FOXP2: variants seen among roughly 807,000 people sequenced by gnomAD.
FOXP2 encodes the protein forkhead box P2, also known as forkhead box protein P2.
Under a neutral mutation model 115.8 loss-of-function variants are expected in FOXP2, and 12 were observed. That is an observed-to-expected ratio of 0.10 (90% confidence interval 0.07 to 0.17). FOXP2 has a LOEUF of 0.17. FOXP2 is among the 10% of genes least tolerant of loss of function. FOXP2 has a pLI of 1.00. For synonymous variants in FOXP2, 328 were observed against 297.7 expected, an observed-to-expected ratio of 1.10 and a Z score of -1.05; for missense variants, 629 against 843.5, an observed-to-expected ratio of 0.75 and a Z score of 3.15.
intron 3 of FOXP2, among the ~76,000 whole-genome samples, chr7:114,545,413 A>G (rs935538470): frequency 3.9e-5 from 6 of 152,196 alleles, no homozygotes; most frequent in Admixed American, 1.3e-4. Context: ...ATCATTTCCA[A>G]CAATATTGTC....
intron 1 of FOXP2, among the ~76,000 whole-genome samples, chr7:114,140,790 C>G (rs901421629): frequency 6.6e-6 from 1 of 152,162 alleles, no homozygotes; most frequent in Non-Finnish European, 1.5e-5. Context: ...CTGCCCCAGG[C>G]TCCTTTAGCC....
intron 2 of FOXP2, among the ~76,000 whole-genome samples, chr7:114,428,168 G>A (rs1286851890): frequency 6.6e-6 from 1 of 151,490 alleles, no homozygotes; most frequent in Non-Finnish European, 1.5e-5. Flanking sequence ...CAAATCCAGT[G>A]GATTGCGTTT....
chr7:114,622,186 G>A (rs1192216588), intron 3 of FOXP2, among the ~76,000 whole-genome samples: 1 of 151,884 alleles, frequency 6.6e-6, no homozygotes, highest in Non-Finnish European at 1.5e-5. Context: ...GATGTTTATG[G>A]TGAGACTGTT....
At chr7:114,427,289 AATGCAATATTCTCTT>A (rs1211065284) in intron 2 of FOXP2, among the ~76,000 whole-genome samples, 1 of 151,656 alleles carries the variant, frequency 6.6e-6, no homozygotes, top group East Asian at 1.9e-4. Context: ...TGTCTCATAA[AATGCAATATTCTCTT>A]TAAATCTGGA....
intron 1 of FOXP2, among the ~76,000 whole-genome samples, chr7:114,139,072 C>G (rs1157008682): frequency 1.3e-5 from 2 of 152,016 alleles, no homozygotes; most frequent in Admixed American, 1.3e-4. Context: ...TTACAGGGGG[C>G]AGGGACTTAT....
intron 3 of FOXP2, among the ~76,000 whole-genome samples, chr7:114,627,142 C>A (rs1485554122): frequency 1.4e-5 from 2 of 144,094 alleles, no homozygotes; most frequent in East Asian, 4.0e-4. Context: ...CCCTGGATTT[C>A]TTTTTTTTTT....
rs556288494 is a variant in FOXP2 at position 114,333,685 on chromosome 7, G to T, written c.-11+45576G>T. Among the ~76,000 whole-genome samples, 633 of 152,224 alleles carry T rather than the reference G, an allele frequency of 4.2e-3. 8 individuals carry two copies. Among genetic ancestry groups the T allele is most frequent in the Non-Finnish European group, 3.4e-3 (234 of 68,000 alleles). On this transcript the variant is annotated intron_variant, in intron 2 of 17. Coordinates refer to the FOXP2 transcript ENST00000634411. ...GCAGATCATTTGAGGCCAGGAGTTTGAGACCAGCTTGGCCAACATGGTGAA... is the reference window on the plus strand; with the variant it reads ...GCAGATCATTTGAGGCCAGGAGTTTTAGACCAGCTTGGCCAACATGGTGAA...
At chr7:114,626,388 T>C (rs1021553862) in intron 3 of FOXP2, among the ~76,000 whole-genome samples, 2 of 151,822 alleles carry the variant, frequency 1.3e-5, no homozygotes, top group Non-Finnish European at 3.0e-5. Flanking sequence ...AGTTCACTTA[T>C]CATTATACAT....
intron 3 of FOXP2, chr7:114,613,993 T>A (rs1300657222): frequency 1.3e-5 from 2 of 152,208 alleles, no homozygotes; most frequent in Non-Finnish European, 2.9e-5. Context: ...ATCTGGGATG[T>A]TTCTAATGTA....
At chr7:114,672,971 T>A (rs1220305411) in intron 16 of FOXP2, among the ~76,000 whole-genome samples, 1 of 152,152 alleles carries the variant, frequency 6.6e-6, no homozygotes, top group East Asian at 1.9e-4. Context: ...GACTTTGAGG[T>A]CAAGATCTTC....
At chr7:114,112,228 T>TG (rs1308776332) in intron 1 of FOXP2, among the ~76,000 whole-genome samples, 1 of 152,090 alleles carries the variant, frequency 6.6e-6, no homozygotes, top group Non-Finnish European at 1.5e-5. Context: ...TATCAGGCAC[T>TG]GAAACAGAGA....
intron 2 of FOXP2, among the ~76,000 whole-genome samples, chr7:114,470,374 A>G (rs756389260): frequency 1.3e-5 from 2 of 152,180 alleles, no homozygotes; most frequent in Non-Finnish European, 2.9e-5. Flanking sequence ...CCTTCTTTTC[A>G]GAGCTTTATC....
intron 2 of FOXP2, among the ~76,000 whole-genome samples, chr7:114,349,033 G>T (rs1035714006): frequency 1.3e-5 from 2 of 152,032 alleles, no homozygotes; most frequent in Non-Finnish European, 2.9e-5. Context: ...ACAATATCTA[G>T]AGAATTATTG....
At chr7:114,153,576 A>C (rs1226989273) in intron 1 of FOXP2, among the ~76,000 whole-genome samples, 1 of 152,110 alleles carries the variant, frequency 6.6e-6, no homozygotes, top group Non-Finnish European at 1.5e-5. Flanking sequence ...TTCTTTCCTG[A>C]CCTTTTAACC....
At chr7:114,355,834 G>A (rs1021607000) in intron 2 of FOXP2, among the ~76,000 whole-genome samples, 15 of 152,106 alleles carry the variant, frequency 9.9e-5, no homozygotes, top group African/African-American at 3.1e-4. Context: ...GCTTTCATAC[G>A]TGGTTCTCCT....
chr7:114,449,071 A>G (rs986888434), intron 2 of FOXP2, among the ~76,000 whole-genome samples: 7 of 152,062 alleles, frequency 4.6e-5, no homozygotes, highest in African/African-American at 1.7e-4. Flanking sequence ...TAATAATAGT[A>G]TTGTCCCCAC....
intron 1 of FOXP2, among the ~76,000 whole-genome samples, chr7:114,233,695 C>A (rs903416949): frequency 6.6e-6 from 1 of 152,172 alleles, no homozygotes. Flanking sequence ...GGAGATCAGG[C>A]AAACTGTAGT....
At chr7:114,268,412 A>G (rs940367884) in intron 1 of FOXP2, among the ~76,000 whole-genome samples, 10 of 152,194 alleles carry the variant, frequency 6.6e-5, no homozygotes, top group Non-Finnish European at 5.9e-5. Flanking sequence ...AGTGAAACAT[A>G]AATTTGGACT....
At chr7:114,554,543 G>A (rs1408130397) in intron 3 of FOXP2, among the ~76,000 whole-genome samples, 2 of 151,968 alleles carry the variant, frequency 1.3e-5, no homozygotes, top group Non-Finnish European at 2.9e-5. Context: ...TGACAATTCT[G>A]TATTATTTTT....
Sources: allele counts gnomAD v4.1 joint callset (sites outside exome capture counted in the v4.1 genomes callset), GRCh38; gene constraint gnomAD v4.1.1; transcripts MANE v1.5; gene names NCBI Gene and HGNC (gene_info 2026-07-23, HGNC 2026-07-21).